F8: variants seen among roughly 807,000 people sequenced by gnomAD.
The protein encoded by F8 is antihemophilic factor.
F8 carries 12 observed loss-of-function variants against 140.6 expected under a neutral mutation model. The ratio of observed to expected loss-of-function variants is 0.09; its 90% confidence interval spans 0.05 to 0.14. The LOEUF (loss-of-function observed/expected upper bound fraction) is 0.14, where lower values mean the gene tolerates loss of function less well. Among genes scored for constraint, F8 ranks in the 10% least tolerant of loss-of-function variants. F8 has a pLI of 1.00. For missense variants in F8, 1,354 were observed against 1,720.7 expected (o/e 0.79, Z 3.77); for synonymous variants, 585 against 614.6 (o/e 0.95, Z 0.71).
chrX:154,846,112 T>A (rs190678261), intron 25 of F8, among the ~76,000 whole-genome samples: 82 of 112,352 alleles, frequency 7.3e-4, no homozygotes, highest in African/African-American at 2.7e-3. Flanking sequence ...TTTGAATGAG[T>A]TTCTTAATCC....
At position 154,940,842 on chromosome X, in the gene F8, G is replaced by T. The variant is rs370283618; in HGVS notation, c.2113+6856C>A. Among the ~76,000 whole-genome samples the T allele has an allele frequency of 4.5e-5, 5 of 112,318 alleles. No individual in the cohort carries two copies. In the South Asian group the frequency reaches 1.8e-3, roughly 41 times the overall value. ...TCGGCAGAAACTCTACAAGCCAGAA[G>T]AGAGTGGGGGCCAACATTCAACATT... On this transcript the variant is annotated intron_variant, in intron 13 of 25. Coordinates refer to ENST00000360256, the MANE Select transcript of F8 (RefSeq NM_000132.4).
At chrX:154,996,935 C>T (rs782720795) in intron 3 of F8, 38 bp downstream of exon 3, 1 of 1,203,270 alleles carries the variant, frequency 8.3e-7, no homozygotes, top group African/African-American at 1.7e-5. Context: ...CTGTTCTATT[C>T]ATAGAATGAC....
intron 4 of F8, among the ~76,000 whole-genome samples, chrX:154,989,191 C>T (rs1250256876): frequency 8.9e-6 from 1 of 111,842 alleles, no homozygotes; most frequent in Admixed American, 9.5e-5. Context: ...TTTAGAGACA[C>T]ATTTAAAATA....
chrX:155,005,313 G>A (rs782240333), intron 1 of F8, among the ~76,000 whole-genome samples: 3 of 111,090 alleles, frequency 2.7e-5, no homozygotes, highest in East Asian at 2.8e-4. Context: ...CATCTGCCTG[G>A]GTATCTCTTA....
intron 18 of F8, among the ~76,000 whole-genome samples, chrX:154,902,993 T>C (rs897547207): frequency 1.8e-5 from 2 of 112,010 alleles, no homozygotes; most frequent in Non-Finnish European, 3.8e-5. Context: ...AGATTGAAGT[T>C]AAATCAAGTT....
At chrX:155,020,566 GACAA>G (rs201157046) in intron 1 of F8, among the ~76,000 whole-genome samples, 5,059 of 111,711 alleles carry the variant, frequency 0.045, 286 homozygotes, top group African/African-American at 0.15. Flanking sequence ...AAAGTCAACA[GACAA>G]ACAATAGATC....
chrX:154,976,724 A>G (rs1302204306), intron 6 of F8, among the ~76,000 whole-genome samples: 1 of 111,143 alleles, frequency 9.0e-6, no homozygotes, highest in Non-Finnish European at 1.9e-5. Context: ...GCACATATAC[A>G]CCATGGAATA....
intron 5 of F8, among the ~76,000 whole-genome samples, chrX:154,985,384 C>T (rs1427089469): frequency 9.1e-6 from 1 of 109,778 alleles, no homozygotes; most frequent in Non-Finnish European, 1.9e-5. Flanking sequence ...TGCAGTGAGC[C>T]AAGATTGTGC....
chrX:154,982,837 T>C (rs2073536907), intron 6 of F8, among the ~76,000 whole-genome samples: 1 of 112,375 alleles, frequency 8.9e-6, no homozygotes, highest in Non-Finnish European at 1.9e-5. Flanking sequence ...CCACTAGTGA[T>C]GCTGGAAGTA....
At chrX:154,901,498 A>C in intron 19 of F8, 56 bp from the exon 20 acceptor site, 1 of 798,442 alleles carries the variant, frequency 1.3e-6, no homozygotes, top group African/African-American at 2.0e-5. Context: ...TCAGCTTCTC[A>C]AATGTAAGTC....
chrX:154,912,509 C>G (rs1459554391), intron 14 of F8, among the ~76,000 whole-genome samples: 6 of 112,287 alleles, frequency 5.3e-5, no homozygotes, highest in African/African-American at 1.9e-4. Context: ...TGAGTTGGCT[C>G]TAAATGTGTG....
intron 14 of F8, among the ~76,000 whole-genome samples, chrX:154,910,139 C>T (rs905950707): frequency 9.0e-6 from 1 of 111,289 alleles, no homozygotes; most frequent in Admixed American, 9.5e-5. Flanking sequence ...GAGACATGTG[C>T]GGTGTTGAGT....
In F8 at chrX:154,987,270, T is replaced by C; in HGVS notation, c.637A>G (p.Lys213Glu). The C allele has an allele frequency of 8.3e-7, 1 of 1,210,968 alleles. No homozygotes were observed. Among genetic ancestry groups the C allele is most frequent in the Non-Finnish European group, 1.1e-6 (1 of 894,686 alleles). ...AATACAGCAAAAAGTAGTATAAATT[T>C]GTGCAAGGTCTGTGTCTTTTCCTTG... ...LAKEKTQTLH[K>E]FILLFAVFDE... is the part of the protein sequence containing the mutation. The change falls in exon 5 of 26, where the codon AAA becomes GAA. Residue 213 changes from lysine to glutamate, a missense_variant. By Grantham distance (56) the Lys-to-Glu change is moderately conservative (BLOSUM62 1). This residue lies in a region of F8 where 128 missense variants were observed against 230.4 expected (regional missense o/e 0.56). Transcript: ENST00000360256.
In F8 at chrX:154,931,283, G is replaced by T. The variant is rs1557278813; in HGVS notation, c.2507C>A (p.Ser836Tyr). 1.7e-6 allele frequency: 2 copies of T among 1,209,441 alleles called. No homozygotes were observed. The highest frequency in any genetic ancestry group is 3.5e-5 in the South Asian group (2 of 56,759). ...DLQEAKYETF[S>Y]DDPSPGAIDS... ...TATTGCTCCAGGTGATGGATCATCA[G>T]AAAAAGTCTCATATTTGGCTTCTTG... is the stretch of plus-strand genomic sequence containing the variant. Residue 836 changes from serine (S) to tyrosine (Y), a missense_variant, in exon 14 of 26, where the codon TCT (serine) becomes TAT (tyrosine). Ser to Tyr is a moderately radical substitution (Grantham distance 144). Coordinates refer to ENST00000360256, the MANE Select transcript of F8 (RefSeq NM_000132.4).
chrX:155,004,952 G>A (rs902888968), intron 1 of F8, among the ~76,000 whole-genome samples: 2 of 111,371 alleles, frequency 1.8e-5, no homozygotes, highest in Non-Finnish European at 3.8e-5. Flanking sequence ...GGTGTGTCCC[G>A]AAGTAAAATA....
chrX:154,861,878 G>GA lies in F8; in HGVS notation c.6575-13dup. On this transcript the variant is annotated splice_polypyrimidine_tract_variant and intron_variant, in intron 23 of 25. Transcript: ENST00000360256. ...TGGCATGCTGCAACCTCAAAGAAAA[G>GA]AAAAAAGAAGGTTATCACAAGGACA... 1 of 1,210,390 alleles carries GA rather than the reference G, an allele frequency of 8.3e-7. No homozygotes were observed.
chrX:154,948,539 C>T (rs1490797042), intron 12 of F8, among the ~76,000 whole-genome samples: 1 of 112,069 alleles, frequency 8.9e-6, no homozygotes, highest in East Asian at 2.8e-4. Context: ...AAATGAAAAA[C>T]AAAATTGCAA....
At chrX:154,866,021 G>C (rs916406181) in intron 22 of F8, among the ~76,000 whole-genome samples, 1 of 111,197 alleles carries the variant, frequency 9.0e-6, no homozygotes, top group Non-Finnish European at 1.9e-5. Flanking sequence ...TTTGATTTAA[G>C]GACATACATA....
Position 154,929,097 on chromosome X carries a change from A to G in F8, c.4693T>C (p.Phe1565Leu). ...NEANRPGKVP[F>L]LRVATESSAK... ...GAGCTTTCTGTTGCTACTCTCAGAA[A>G]GGGAACTTTTCCAGGTCTGTTTGCT... Residue 1565 changes from phenylalanine to leucine, a missense_variant, in exon 14 of 26, where the codon TTT becomes CTT. Phe to Leu is a conservative substitution (Grantham distance 22). Around this residue, in one of 4 missense-constraint regions of F8, gnomAD observed 658 missense variants for 666.5 expected, o/e 0.99. Transcript: ENST00000360256. The G allele has an allele frequency of 8.3e-7, 1 of 1,211,710 alleles. No homozygotes were observed.
Sources: gnomAD v4.1 joint callset for allele counts (sites outside exome capture counted in the v4.1 genomes callset) on GRCh38, gnomAD v4.1.1 for gene constraint, gnomAD v4.1.1 regional missense constraint, MANE v1.5 for transcripts, NCBI Gene and HGNC (gene_info 2026-07-23, HGNC 2026-07-21) for gene names.